Variants in SGCZ observed in about 807,000 individuals in gnomAD.
SGCZ encodes the protein sarcoglycan zeta, also known as zeta-sarcoglycan.
Under a neutral mutation model 41.3 loss-of-function variants are expected in SGCZ, and 40 were observed. The ratio of observed to expected loss-of-function variants is 0.97; its 90% CI spans 0.75 to 1.26. The LOEUF is 1.26. Among genes scored for constraint, SGCZ ranks in the 50% most tolerant of loss-of-function variants. The pLI, the probability that SGCZ is intolerant of heterozygous loss-of-function variation, is 0.00. For missense variants in SGCZ, 552 were observed against 369.8 expected (o/e 1.49, Z -4.04); for synonymous variants, 206 against 137.5 (o/e 1.50, Z -3.49).
At chr8:15,143,246 T>C (rs1798945697) in intron 1 of SGCZ, among the ~76,000 whole-genome samples, 1 of 152,202 alleles carries the variant, frequency 6.6e-6, no homozygotes, top group East Asian at 1.9e-4. Context: ...AGAATGAGTG[T>C]TCCACCATGA....
intron 5 of SGCZ, among the ~76,000 whole-genome samples, chr8:14,142,679 T>C (rs998242699): frequency 1.3e-5 from 2 of 152,230 alleles, no homozygotes; most frequent in African/African-American, 4.8e-5. Flanking sequence ...AAATCTCATG[T>C]TGAAATGTAA....
At chr8:14,755,786 G>A (rs1273708798) in intron 1 of SGCZ, among the ~76,000 whole-genome samples, 3 of 151,960 alleles carry the variant, frequency 2.0e-5, no homozygotes, top group Non-Finnish European at 4.4e-5. Flanking sequence ...AACTGTAGAT[G>A]CAGCCCATGT....
chr8:14,257,762 T>C (rs1029470580), intron 3 of SGCZ, among the ~76,000 whole-genome samples: 2 of 152,096 alleles, frequency 1.3e-5, no homozygotes, highest in African/African-American at 2.4e-5. Flanking sequence ...GATAGTTTGC[T>C]GAGAATTTTG....
At chr8:14,619,525 T>G (rs923174132) in intron 1 of SGCZ, among the ~76,000 whole-genome samples, 1 of 152,186 alleles carries the variant, frequency 6.6e-6, no homozygotes, top group Non-Finnish European at 1.5e-5. Context: ...ATGACATGAC[T>G]GTATATCTAG....
intron 1 of SGCZ, among the ~76,000 whole-genome samples, chr8:14,689,000 A>C (rs981112443): frequency 6.6e-6 from 1 of 152,172 alleles, no homozygotes; most frequent in Non-Finnish European, 1.5e-5. Context: ...TCATGAAAAA[A>C]ATATATTTAA....
Position 15,041,633 on chromosome 8 carries a change from T to C in SGCZ, c.39+195952A>G, listed in dbSNP as rs62493712. On this transcript the variant is annotated intron_variant, in intron 1 of 7. Coordinates refer to ENST00000382080, the MANE Select transcript of SGCZ (RefSeq NM_139167.4). ...AGAAATGCATATACTGATTTTAATA[T>C]ATTTTATAGCTTTCCTTAATAGAAA... Among the ~76,000 whole-genome samples, 1,335 of 152,218 alleles carry C rather than the reference T, an allele frequency of 8.8e-3. 17 individuals carry two copies. The highest frequency in any genetic ancestry group is 0.038 in the South Asian group (181 of 4,814).
chr8:14,854,499 C>A (rs1339904993), intron 1 of SGCZ, among the ~76,000 whole-genome samples: 2 of 151,918 alleles, frequency 1.3e-5, no homozygotes, highest in Non-Finnish European at 2.9e-5. Flanking sequence ...TATTAAGGCA[C>A]TTCTTAGATT....
At chr8:14,980,958 C>A (rs374231084) in intron 1 of SGCZ, among the ~76,000 whole-genome samples, 6 of 152,188 alleles carry the variant, frequency 3.9e-5, no homozygotes, top group African/African-American at 1.2e-4. Context: ...TGCCTCATTA[C>A]TGGACATCCA....
intron 5 of SGCZ, among the ~76,000 whole-genome samples, chr8:14,146,237 G>A (rs1454390663): frequency 2.0e-5 from 3 of 152,208 alleles, no homozygotes; most frequent in Non-Finnish European, 4.4e-5. Context: ...AGGTCTGGCA[G>A]CCAACTCTTT....
At chr8:14,291,339 TGATA>T (rs144626370) in intron 3 of SGCZ, among the ~76,000 whole-genome samples, 39,017 of 151,672 alleles carry the variant, frequency 0.26, 5,393 homozygotes, top group South Asian at 0.42. Context: ...ATTTTTAAGG[TGATA>T]GATATGCTAA....
intron 1 of SGCZ, among the ~76,000 whole-genome samples, chr8:14,949,725 T>C (rs182074755): frequency 5.9e-5 from 9 of 152,222 alleles, no homozygotes; most frequent in African/African-American, 2.2e-4. Flanking sequence ...CTCAATGTTT[T>C]AACAATATGT....
intron 3 of SGCZ, among the ~76,000 whole-genome samples, chr8:14,290,094 G>T (rs1800788558): frequency 6.6e-6 from 1 of 152,070 alleles, no homozygotes; most frequent in Non-Finnish European, 1.5e-5. Flanking sequence ...GACATATGGG[G>T]ATTACAACTT....
chr8:14,901,210 G>C (rs188294754), intron 1 of SGCZ, among the ~76,000 whole-genome samples: 1 of 152,206 alleles, frequency 6.6e-6, no homozygotes, highest in South Asian at 2.1e-4. Context: ...TATCCTTAAT[G>C]AACCCTAAAT....
At chr8:14,220,028 AG>A (rs1430595088) in intron 4 of SGCZ, among the ~76,000 whole-genome samples, 9 of 152,232 alleles carry the variant, frequency 5.9e-5, no homozygotes, top group Non-Finnish European at 1.0e-4. Context: ...GATGTGTTTG[AG>A]CCTAGTTATA....
intron 1 of SGCZ, among the ~76,000 whole-genome samples, chr8:15,134,485 A>G (rs1412368760): frequency 1.3e-5 from 2 of 152,062 alleles, no homozygotes; most frequent in African/African-American, 2.4e-5. Flanking sequence ...TGAGCGGTAT[A>G]CTCATATTGA....
intron 1 of SGCZ, among the ~76,000 whole-genome samples, chr8:14,902,110 T>C (rs1229676857): frequency 2.6e-5 from 4 of 152,130 alleles, no homozygotes; most frequent in Admixed American, 2.6e-4. Context: ...GGTGAGTAAA[T>C]GATTCACTCC....
chr8:14,117,950 A>T (rs1802576753), intron 5 of SGCZ, among the ~76,000 whole-genome samples: 1 of 139,100 alleles, frequency 7.2e-6, no homozygotes, highest in Non-Finnish European at 1.6e-5. Context: ...TCCATGGTTT[A>T]TATGTGCCAC....
At chr8:14,385,246 C>A (rs1804531609) in intron 2 of SGCZ, among the ~76,000 whole-genome samples, 1 of 152,082 alleles carries the variant, frequency 6.6e-6, no homozygotes, top group Non-Finnish European at 1.5e-5. Context: ...TGTGAACCAG[C>A]TCCAGTACAC....
chr8:14,220,110 C>T (rs542353155), intron 4 of SGCZ, among the ~76,000 whole-genome samples: 1 of 152,252 alleles, frequency 6.6e-6, no homozygotes, highest in South Asian at 2.1e-4. Context: ...GCTTCTATTT[C>T]TAGTTATATA....
Sources: allele counts gnomAD v4.1 joint callset (sites outside exome capture counted in the v4.1 genomes callset), GRCh38; gene constraint gnomAD v4.1.1; transcripts MANE v1.5; gene names NCBI Gene and HGNC (gene_info 2026-07-23, HGNC 2026-07-21).